Variants in TYW1B observed in about 807,000 individuals in gnomAD.
TYW1B encodes the protein tRNA-yW synthesizing protein 1 homolog B.
In TYW1B, 73 loss-of-function variants were observed where a neutral mutation model predicts 86.9. The observed-to-expected ratio is 0.84, with a 90% CI of 0.70 to 1.02. The LOEUF is 1.02. Among genes scored for constraint, TYW1B ranks in the 50% least tolerant of loss-of-function variants. The pLI, the probability that TYW1B is intolerant of heterozygous loss-of-function variation, is 0.00. For synonymous variants in TYW1B, 248 were observed against 292.8 expected, an observed-to-expected ratio of 0.85 and a Z score of 1.56; for missense variants, 637 against 827.4, an observed-to-expected ratio of 0.77 and a Z score of 2.82.
chr7:72,674,926 G>A (rs1423752307), intron 11 of TYW1B, among the ~76,000 whole-genome samples: 1 of 151,662 alleles, frequency 6.6e-6, no homozygotes, highest in Admixed American at 6.6e-5. Flanking sequence ...CCTTAGAAAC[G>A]GATTTCTAGC....
intron 3 of TYW1B, among the ~76,000 whole-genome samples, chr7:72,811,539 A>G (rs370783012): frequency 7.4e-4 from 112 of 151,932 alleles, no homozygotes; most frequent in African/African-American, 9.9e-4. Flanking sequence ...AATCTCTGAA[A>G]TCTCCAAAGA....
intron 7 of TYW1B, among the ~76,000 whole-genome samples, chr7:72,750,224 C>G (rs1252262584): frequency 6.6e-6 from 1 of 152,134 alleles, no homozygotes; most frequent in South Asian, 2.1e-4. Flanking sequence ...GAAGAACTTT[C>G]TTTAGCCAAT....
chr7:72,741,927 G>A (rs1477423765), intron 8 of TYW1B, among the ~76,000 whole-genome samples: 1 of 152,162 alleles, frequency 6.6e-6, no homozygotes, highest in Non-Finnish European at 1.5e-5. Context: ...TTAAGACACT[G>A]ACAAATAAAG....
At chr7:72,784,841 C>T (rs1788101794) in intron 6 of TYW1B, among the ~76,000 whole-genome samples, 1 of 152,022 alleles carries the variant, frequency 6.6e-6, no homozygotes. Flanking sequence ...TCTCTCCCCA[C>T]ACCCCCTAAC....
rs1814254140 is a variant in TYW1B, at chr7:72,694,318, A to C, written c.1506+369T>G. Among the ~76,000 whole-genome samples the C allele has an allele frequency of 5.3e-5, 8 of 152,284 alleles. No individual in the cohort carries two copies. In the South Asian group the frequency reaches 1.7e-3, roughly 32 times the overall value. ...TCTGTGGATTTTGGTACCCATGGGG[A>C]GTCCTACAACCAATCTTCCATAGAT... On this transcript the variant is annotated intron_variant, in intron 11 of 13. Transcript: ENST00000620995.
At position 72,761,385 on chromosome 7, in the gene TYW1B, A is replaced by C. The variant is rs376436698; in HGVS notation, c.964+16031T>G. ...ATATAAAATGTGCCTAAAATATATA[A>C]GGTATGTTTTTAATAGGAAAAAAGT... is the stretch of plus-strand genomic sequence containing the variant. On this transcript the variant is annotated intron_variant, in intron 7 of 13. Transcript: ENST00000620995. 5.2e-4 allele frequency among the ~76,000 whole-genome samples: 79 copies of C among 152,162 alleles called. 3 individuals are homozygous for C. The East Asian group carries it at 5.2e-3, about 10-fold the overall frequency.
intron 11 of TYW1B, among the ~76,000 whole-genome samples, chr7:72,659,015 C>G (rs1304847237): frequency 6.6e-6 from 1 of 152,112 alleles, no homozygotes; most frequent in Non-Finnish European, 1.5e-5. Context: ...GCCACCACAC[C>G]CACCCATAAA....
intron 8 of TYW1B, among the ~76,000 whole-genome samples, chr7:72,735,222 A>C (rs1554460759): frequency 6.6e-6 from 1 of 152,202 alleles, no homozygotes; most frequent in Non-Finnish European, 1.5e-5. Context: ...TCAGCAGATA[A>C]ATGGATAAAG....
Position 72,575,171 on chromosome 7 carries a change from A to G in TYW1B, c.*327T>C, listed in dbSNP as rs1810991850. Reference sequence around the variant, plus strand: ...TTCTTCCTTGTCTGACACTCTCAGGACTAGCATTCTGGCAGGTCTTAGAAG... The same window carrying G: ...TTCTTCCTTGTCTGACACTCTCAGGGCTAGCATTCTGGCAGGTCTTAGAAG... On this transcript the variant is annotated 3_prime_UTR_variant, in exon 14 of 14. Transcript: ENST00000620995. The G allele has an allele frequency of 9.0e-7, 1 of 1,115,992 alleles. No homozygotes were observed. The highest frequency in any genetic ancestry group is 4.6e-5 in the Admixed American group (1 of 21,700). 69.1% of individuals were successfully genotyped at this position (1,115,992 alleles called of 1,614,324 possible).
chr7:72,820,888 G>C (rs1233491002), intron 2 of TYW1B, among the ~76,000 whole-genome samples: 3 of 152,210 alleles, frequency 2.0e-5, no homozygotes, highest in African/African-American at 7.2e-5. Flanking sequence ...TCAAAGCTGT[G>C]AGAATCAACA....
chr7:72,665,770 C>T (rs185533624), intron 11 of TYW1B, among the ~76,000 whole-genome samples: 10 of 152,274 alleles, frequency 6.6e-5, no homozygotes, highest in Admixed American at 5.9e-4. Flanking sequence ...TGCCTATTTG[C>T]TTGTCCTCAG....
intron 10 of TYW1B, among the ~76,000 whole-genome samples, chr7:72,703,000 A>C (rs1273308251): frequency 0.13 from 2,154 of 16,196 alleles, 143 homozygotes; most frequent in East Asian, 0.29. Context: ...ATATATATAT[A>C]TATATATATA....
At position 72,819,118 on chromosome 7, in the gene TYW1B, G is replaced by GA. The variant is rs1408297030; in HGVS notation, c.136-3638dup. On this transcript the variant is annotated intron_variant, in intron 2 of 13. Transcript: ENST00000620995. ...GGTTATCCCAGGCGGCAGGAACAGTGAACTGCAAAGGCCCAGTGGAGGTTA... is the reference window on the plus strand; with the variant it reads ...GGTTATCCCAGGCGGCAGGAACAGTGAAACTGCAAAGGCCCAGTGGAGGTTA... Among the ~76,000 whole-genome samples the GA allele has an allele frequency of 4.6e-5, 7 of 152,234 alleles. No homozygotes were observed. The South Asian group carries it at 1.2e-3, about 27-fold the overall frequency.
At position 72,826,922 on chromosome 7, in the gene TYW1B, TAA is replaced by T; in HGVS notation, c.66_67del (p.Phe22LeufsTer9). The T allele has an allele frequency of 6.2e-7, 1 of 1,613,940 alleles. No individual in the cohort carries two copies. Among genetic ancestry groups the T allele is most frequent in the African/African-American group, 1.3e-5 (1 of 75,038 alleles). On this transcript the variant is annotated frameshift_variant, in exon 2 of 14. Transcript: ENST00000620995. LOFTEE classifies it high-confidence loss of function. The stretch of plus-strand genomic sequence containing the variant: ...GCTAACAGCAAAGCCCAGATAAATG[TAA>T]AACCTGTTTATCCATAATGATATTA...
At chr7:72,736,727 A>C (rs1274206169) in intron 8 of TYW1B, among the ~76,000 whole-genome samples, 1 of 152,178 alleles carries the variant, frequency 6.6e-6, no homozygotes, top group Non-Finnish European at 1.5e-5. Flanking sequence ...CTTACTATAG[A>C]TGCAGCCTGT....
In TYW1B at chr7:72,802,387, A is replaced by G; in HGVS notation, c.846+13T>C. 2.5e-6 allele frequency: 4 copies of G among 1,613,676 alleles called. No individual in the cohort carries two copies. The highest frequency in any genetic ancestry group is 3.4e-6 in the Non-Finnish European group (4 of 1,179,760). On this transcript the variant is annotated intron_variant, in intron 6 of 13. Transcript: ENST00000620995. ...GCGGGAGCCAAGTGCAACATTTCCC[A>G]AAGTAATGGTACCTTTTCTTTCTTC...
intron 10 of TYW1B, among the ~76,000 whole-genome samples, chr7:72,701,523 C>T (rs1398549591): frequency 6.6e-6 from 1 of 152,232 alleles, no homozygotes; most frequent in African/African-American, 2.4e-5. Context: ...CCCAGCCTCC[C>T]GAAGTGCTGG....
chr7:72,678,079 T>C (rs1235702546), intron 11 of TYW1B, among the ~76,000 whole-genome samples: 4 of 152,234 alleles, frequency 2.6e-5, no homozygotes, highest in African/African-American at 9.6e-5. Flanking sequence ...ACCTGAATAC[T>C]AGGATGCATG....
chr7:72,639,167 T>A (rs1389945558), intron 11 of TYW1B, among the ~76,000 whole-genome samples: 6 of 152,118 alleles, frequency 3.9e-5, no homozygotes, highest in Non-Finnish European at 8.8e-5. Context: ...TGAGATACAT[T>A]TGAATTTTCA....
Sources: gnomAD v4.1 joint callset for allele counts (sites outside exome capture counted in the v4.1 genomes callset) on GRCh38, gnomAD v4.1.1 for gene constraint, MANE v1.5 for transcripts, NCBI Gene and HGNC (gene_info 2026-07-23, HGNC 2026-07-21) for gene names.